C8orf34: variants seen among roughly 807,000 people sequenced by gnomAD.
C8orf34 encodes the protein chromosome 8 open reading frame 34.
Under a neutral mutation model 68.3 loss-of-function variants are expected in C8orf34, and 65 were observed. That is an observed-to-expected ratio of 0.95 (90% CI 0.78 to 1.17). The LOEUF is 1.17. Ranked by LOEUF, C8orf34 falls within the 50% of genes most tolerant of loss-of-function variation. The probability of loss-of-function intolerance (pLI) is 0.00; values close to 1 mark genes in which losing one functional copy is unlikely to be tolerated. For missense variants in C8orf34, 664 were observed against 655.4 expected (o/e 1.01, Z -0.14); for synonymous variants, 244 against 241.2 (o/e 1.01, Z -0.11).
chr8:68,481,571 C>T (rs1462662751), intron 4 of C8orf34, among the ~76,000 whole-genome samples: 1 of 152,234 alleles, frequency 6.6e-6, no homozygotes, highest in Non-Finnish European at 1.5e-5. Flanking sequence ...CCTACAAAGC[C>T]ACAGGGGCGG....
At chr8:68,749,363 T>C (rs1463221358) in intron 10 of C8orf34, among the ~76,000 whole-genome samples, 3 of 152,074 alleles carry the variant, frequency 2.0e-5, no homozygotes, top group African/African-American at 7.2e-5. Context: ...ATTGTGTACA[T>C]GTACCCTAAA....
intron 12 of C8orf34, among the ~76,000 whole-genome samples, chr8:68,794,482 A>C (rs867527852): frequency 2.2e-5 from 2 of 89,392 alleles, no homozygotes; most frequent in Non-Finnish European, 3.9e-5. Context: ...TATAAATATA[A>C]ATATATATAT....
intron 5 of C8orf34, among the ~76,000 whole-genome samples, chr8:68,489,422 T>C (rs1175774389): frequency 2.6e-5 from 4 of 152,218 alleles, no homozygotes; most frequent in African/African-American, 7.2e-5. Flanking sequence ...GAATTTCAGG[T>C]GTTTTTTTGG....
intron 1 of C8orf34, among the ~76,000 whole-genome samples, chr8:68,395,900 A>G (rs946838711): frequency 5.9e-5 from 9 of 152,086 alleles, no homozygotes; most frequent in African/African-American, 2.2e-4. Context: ...ATAGAACCTG[A>G]AGGCAGGGAG....
intron 8 of C8orf34, among the ~76,000 whole-genome samples, chr8:68,650,033 T>C (rs10087440): frequency 0.58 from 88,127 of 151,014 alleles, 26,233 homozygotes; most frequent in Non-Finnish European, 0.66. Flanking sequence ...ACATTTAAAT[T>C]CAGAGAAGTC....
intron 7 of C8orf34, among the ~76,000 whole-genome samples, chr8:68,610,076 T>C (rs1400381952): frequency 6.6e-6 from 1 of 152,200 alleles, no homozygotes; most frequent in Non-Finnish European, 1.5e-5. Context: ...AAGACCAGTC[T>C]CACATGTGAA....
chr8:68,463,672 C>G (rs1293995330), intron 3 of C8orf34, among the ~76,000 whole-genome samples: 1 of 152,156 alleles, frequency 6.6e-6, no homozygotes, highest in Non-Finnish European at 1.5e-5. Flanking sequence ...AGCATATAAA[C>G]AGAATCAAAG....
intron 7 of C8orf34, among the ~76,000 whole-genome samples, chr8:68,618,656 C>G (rs1818300992): frequency 6.6e-6 from 1 of 152,182 alleles, no homozygotes; most frequent in Admixed American, 6.5e-5. Flanking sequence ...GCATGCACCA[C>G]TCTACCTGGC....
intron 1 of C8orf34, among the ~76,000 whole-genome samples, chr8:68,425,804 A>G (rs554909942): frequency 6.6e-6 from 1 of 152,250 alleles, no homozygotes; most frequent in East Asian, 1.9e-4. Flanking sequence ...AGAAATCAAG[A>G]CATAGTGGTG....
At chr8:68,476,716 A>T (rs1273128177) in intron 4 of C8orf34, among the ~76,000 whole-genome samples, 1 of 152,166 alleles carries the variant, frequency 6.6e-6, no homozygotes, top group African/African-American at 2.4e-5. Flanking sequence ...TACATGCACA[A>T]TGGGCAAAGA....
intron 8 of C8orf34, among the ~76,000 whole-genome samples, chr8:68,650,606 A>G (rs958551899): frequency 6.6e-6 from 1 of 151,466 alleles, no homozygotes; most frequent in Non-Finnish European, 1.5e-5. Context: ...CAGCCTCCCA[A>G]GTAGCTGGGA....
chr8:68,772,400 C>T (rs1823367200), intron 10 of C8orf34, among the ~76,000 whole-genome samples: 3 of 152,140 alleles, frequency 2.0e-5, no homozygotes, highest in Admixed American at 6.5e-5. Context: ...TCTAGTCCTA[C>T]CTCACTCTCT....
At chr8:68,777,103 C>T (rs891002942) in intron 11 of C8orf34, among the ~76,000 whole-genome samples, 1 of 152,190 alleles carries the variant, frequency 6.6e-6, no homozygotes, top group Non-Finnish European at 1.5e-5. Context: ...CTGTCTAAAT[C>T]CACTGCAGGT....
intron 10 of C8orf34, among the ~76,000 whole-genome samples, chr8:68,746,614 A>G (rs912247925): frequency 2.7e-5 from 4 of 148,562 alleles, no homozygotes; most frequent in Non-Finnish European, 5.9e-5. Context: ...ACCTCTACGC[A>G]AATAAACTAG....
At chr8:68,788,710 T>A (rs763943574) in intron 12 of C8orf34, among the ~76,000 whole-genome samples, 3 of 151,892 alleles carry the variant, frequency 2.0e-5, no homozygotes, top group Non-Finnish European at 4.4e-5. Context: ...AATGCAAAAA[T>A]TAGCTGGCCA....
chr8:68,601,002 G>A (rs753730533), intron 7 of C8orf34, among the ~76,000 whole-genome samples: 12 of 152,088 alleles, frequency 7.9e-5, no homozygotes, highest in Non-Finnish European at 1.8e-4. Context: ...ACATATAAGT[G>A]AAAACATGCA....
At chr8:68,809,549 G>C (rs1413644152) in intron 12 of C8orf34, among the ~76,000 whole-genome samples, 1 of 152,162 alleles carries the variant, frequency 6.6e-6, no homozygotes, top group African/African-American at 2.4e-5. Context: ...GCTGAGGCAA[G>C]AGCCCAGGAG....
chr8:68,428,056 A>G (rs531744453), intron 1 of C8orf34, among the ~76,000 whole-genome samples: 10 of 151,220 alleles, frequency 6.6e-5, no homozygotes, highest in African/African-American at 2.4e-4. Context: ...ATGTTCTTTA[A>G]AGAAATATAG....
At chr8:68,471,431 G>A (rs1741180011) in intron 4 of C8orf34, among the ~76,000 whole-genome samples, 1 of 152,102 alleles carries the variant, frequency 6.6e-6, no homozygotes, top group African/African-American at 2.4e-5. Context: ...GAATACAAAT[G>A]CAGCTTTACT....
Sources: allele counts gnomAD v4.1 joint callset (sites outside exome capture counted in the v4.1 genomes callset), GRCh38; gene constraint gnomAD v4.1.1; transcripts MANE v1.5; gene names NCBI Gene and HGNC (gene_info 2026-07-23, HGNC 2026-07-21).